The following LMX1B variants were observed in gnomAD, a reference collection of about 807,000 sequenced individuals.
LMX1B encodes LIM homeobox transcription factor 1 beta.
In LMX1B, 12 loss-of-function variants were observed where a neutral mutation model predicts 51.4. The observed-to-expected ratio is 0.23, with a 90% CI of 0.15 to 0.38. The LOEUF is 0.38. Among genes scored for constraint, LMX1B ranks in the 10% least tolerant of loss-of-function variants. LMX1B has a pLI of 1.00. For synonymous variants in LMX1B, 237 were observed against 235.4 expected (o/e 1.01, Z -0.06); for missense variants, 445 against 571.1 (o/e 0.78, Z 2.25).
At chr9:126,623,687 C>T (rs1424096943) in intron 2 of LMX1B, among the ~76,000 whole-genome samples, 2 of 152,216 alleles carry the variant, frequency 1.3e-5, no homozygotes, top group Non-Finnish European at 2.9e-5. Flanking sequence ...TCCCCCAGAA[C>T]GCCCAGCCTG....
At chr9:126,640,438 A>C (rs870956) in intron 2 of LMX1B, among the ~76,000 whole-genome samples, 1 of 151,972 alleles carries the variant, frequency 6.6e-6, no homozygotes, top group Non-Finnish European at 1.5e-5. Context: ...AGTTTTTGTG[A>C]CCTGTATCTG....
chr9:126,657,249 C>A (rs895580482), intron 2 of LMX1B, among the ~76,000 whole-genome samples: 9 of 152,172 alleles, frequency 5.9e-5, no homozygotes, highest in Admixed American at 2.6e-4. Flanking sequence ...GCAAAGTGAA[C>A]ATAAGACTGT....
At chr9:126,645,092 G>A (rs989162345) in intron 2 of LMX1B, among the ~76,000 whole-genome samples, 7 of 152,110 alleles carry the variant, frequency 4.6e-5, no homozygotes, top group Admixed American at 1.3e-4. Flanking sequence ...GCTTTGAATC[G>A]CGTTCATCTG....
At chr9:126,681,892 C>A (rs977422863) in intron 2 of LMX1B, among the ~76,000 whole-genome samples, 1 of 150,036 alleles carries the variant, frequency 6.7e-6, no homozygotes, top group Non-Finnish European at 1.5e-5. Context: ...CAGAGTGAGA[C>A]TCCATCTCAA....
chr9:126,689,810 C>T (rs974796030), intron 2 of LMX1B, among the ~76,000 whole-genome samples: 1 of 152,228 alleles, frequency 6.6e-6, no homozygotes, highest in Non-Finnish European at 1.5e-5. Flanking sequence ...ACTACCCATG[C>T]GACCCTGAGC....
rs1424838456 is a variant in LMX1B, at chr9:126,641,145, C to G, written c.326+25576C>G. The G allele has an allele frequency of 6.6e-6, 1 of 152,312 alleles. No individual in the cohort carries two copies. Among genetic ancestry groups the G allele is most frequent in the Non-Finnish European group, 1.5e-5 (1 of 68,134 alleles). 9.4% of individuals were successfully genotyped at this position (152,312 alleles called of 1,614,324 possible). A position where few individuals can be genotyped will look rare whatever the true frequency, so the allele number is the denominator to read the frequency against. On this transcript the variant is annotated intron_variant, in intron 2 of 7. Transcript: ENST00000373474. The surrounding 1 kb of genome is among the most constrained non-coding windows in gnomAD (Gnocchi z 4.1). ...ATGTGGAAGGAGCTGTGGGAAACAG[C>G]CTTGGGCCTTCTGGGGAGGTCTGTG...
intron 2 of LMX1B, among the ~76,000 whole-genome samples, chr9:126,683,549 C>T (rs1836716786): frequency 6.6e-6 from 1 of 152,132 alleles, no homozygotes; most frequent in South Asian, 2.1e-4. Context: ...AGGGTCCTGT[C>T]GCCTAGCTCC....
At chr9:126,655,474 G>C (rs980130288) in intron 2 of LMX1B, among the ~76,000 whole-genome samples, 1 of 152,192 alleles carries the variant, frequency 6.6e-6, no homozygotes, top group African/African-American at 2.4e-5. Flanking sequence ...TAAGGTGACC[G>C]TGTCATGGAG....
At chr9:126,683,900 G>A (rs1177403735) in intron 2 of LMX1B, among the ~76,000 whole-genome samples, 1 of 152,164 alleles carries the variant, frequency 6.6e-6, no homozygotes, top group Non-Finnish European at 1.5e-5. Context: ...TATGTGTTAT[G>A]TCACCTTTTC....
intron 2 of LMX1B, among the ~76,000 whole-genome samples, chr9:126,682,083 CTTT>C (rs71377953): frequency 4.7e-4 from 25 of 53,378 alleles, no homozygotes; most frequent in Admixed American, 2.6e-3. Context: ...TCCCCAGGGT[CTTT>C]TTTTTTTTTT....
intron 2 of LMX1B, among the ~76,000 whole-genome samples, chr9:126,642,927 T>C (rs1253172977): frequency 6.6e-6 from 1 of 152,222 alleles, no homozygotes; most frequent in Non-Finnish European, 1.5e-5. Context: ...ACCCTGTGTC[T>C]GGGTGTTAAG....
intron 2 of LMX1B, among the ~76,000 whole-genome samples, chr9:126,690,271 TC>T (rs967297842): frequency 3.3e-5 from 5 of 152,086 alleles, no homozygotes; most frequent in Admixed American, 6.6e-5. Flanking sequence ...TTTAGAAAGA[TC>T]CCCCTGGCTC....
chr9:126,691,806 C>T (rs540437141), intron 3 of LMX1B, among the ~76,000 whole-genome samples: 250 of 152,340 alleles, frequency 1.6e-3, no homozygotes, highest in African/African-American at 5.5e-3. Flanking sequence ...GTTTCCCAGC[C>T]GAAGGGAGGG....
chr9:126,682,912 A>AAAG (rs1554727760), intron 2 of LMX1B, among the ~76,000 whole-genome samples: 3 of 148,662 alleles, frequency 2.0e-5, no homozygotes, highest in African/African-American at 7.5e-5. Flanking sequence ...AAAAAAAAAA[A>AAAG]AAAGAAAGAA....
intron 2 of LMX1B, among the ~76,000 whole-genome samples, chr9:126,681,695 G>A (rs2118967396): frequency 6.6e-6 from 1 of 152,188 alleles, no homozygotes; most frequent in African/African-American, 2.4e-5. Flanking sequence ...GAGGTTAGGA[G>A]TTCGTGACCA....
intron 2 of LMX1B, among the ~76,000 whole-genome samples, chr9:126,670,117 G>A (rs536044801): frequency 5.3e-5 from 8 of 152,312 alleles, no homozygotes; most frequent in Admixed American, 2.6e-4. Context: ...GAGTCCCGGC[G>A]TGTGCCTCAA....
chr9:126,683,295 C>CGCCGCCGCCCGCCCGGCCCGCG (rs1280070081), intron 2 of LMX1B, among the ~76,000 whole-genome samples: 3 of 151,592 alleles, frequency 2.0e-5, no homozygotes, highest in African/African-American at 7.2e-5. Flanking sequence ...CCGCGGCTCC[C>CGCCGCCGCCCGCCCGGCCCGCG]GCCGCCGCCC....
At chr9:126,645,683 C>A (rs1835887043) in intron 2 of LMX1B, among the ~76,000 whole-genome samples, 1 of 152,128 alleles carries the variant, frequency 6.6e-6, no homozygotes, top group Non-Finnish European at 1.5e-5. Context: ...CTTGAGCACA[C>A]AAGGAGGGAG....
At chr9:126,655,365 A>G (rs1184250695) in intron 2 of LMX1B, among the ~76,000 whole-genome samples, 2 of 146,406 alleles carry the variant, frequency 1.4e-5, no homozygotes, top group African/African-American at 5.0e-5. Flanking sequence ...GTGCTGGAGG[A>G]GAATGCCGGT....
Sources: gnomAD v4.1 joint callset for allele counts (sites outside exome capture counted in the v4.1 genomes callset) on GRCh38, gnomAD v4.1.1 for gene constraint, Gnocchi (gnomAD v3.1) non-coding constraint, MANE v1.5 for transcripts, NCBI Gene and HGNC (gene_info 2026-07-23, HGNC 2026-07-21) for gene names.